The following DACH2 variants were observed in gnomAD, a reference collection of about 807,000 sequenced individuals.
DACH2 encodes dachshund family transcription factor 2, also known as dachshund homolog 2.
DACH2 carries 17 observed loss-of-function variants against 35.8 expected under a neutral mutation model. The ratio of observed to expected loss-of-function variants is 0.48; its 90% CI spans 0.33 to 0.71. DACH2 has a LOEUF of 0.71. Among genes scored for constraint, DACH2 ranks in the 30% least tolerant of loss-of-function variants. The pLI, the probability that DACH2 is intolerant of heterozygous loss-of-function variation, is 0.02. For missense variants in DACH2, 469 were observed against 472.7 expected (o/e 0.99, Z 0.07); for synonymous variants, 195 against 177.3 (o/e 1.10, Z -0.79).
chrX:86,460,863 A>G (rs933969569), intron 2 of DACH2, among the ~76,000 whole-genome samples: 1 of 111,138 alleles, frequency 9.0e-6, no homozygotes, highest in South Asian at 3.7e-4. Flanking sequence ...AGTGAGACCC[A>G]TGATGTTAAC....
At chrX:86,478,209 T>C (rs189523823) in intron 2 of DACH2, among the ~76,000 whole-genome samples, 1 of 111,954 alleles carries the variant, frequency 8.9e-6, no homozygotes, top group Admixed American at 9.5e-5. Flanking sequence ...GTTTTGTACC[T>C]TCAGATGGTT....
At chrX:86,391,589 C>T (rs1222563644) in intron 2 of DACH2, among the ~76,000 whole-genome samples, 2 of 111,138 alleles carry the variant, frequency 1.8e-5, no homozygotes. Flanking sequence ...ACACTTATTT[C>T]TTACATAATT....
chrX:86,407,767 G>A (rs2036548699), intron 2 of DACH2, among the ~76,000 whole-genome samples: 1 of 111,790 alleles, frequency 8.9e-6, no homozygotes, highest in Admixed American at 9.5e-5. Flanking sequence ...TTCATGGATA[G>A]AGTATGATTT....
intron 1 of DACH2, among the ~76,000 whole-genome samples, chrX:86,363,247 T>A (rs2035762729): frequency 1.8e-5 from 2 of 111,204 alleles, no homozygotes; most frequent in African/African-American, 6.5e-5. Flanking sequence ...TGTAGTGAGA[T>A]TTTTGTAAAG....
At chrX:86,407,236 C>G (rs1330055972) in intron 2 of DACH2, among the ~76,000 whole-genome samples, 1 of 111,971 alleles carries the variant, frequency 8.9e-6, no homozygotes, top group Admixed American at 9.5e-5. Context: ...TATATCCCCA[C>G]AACTGCCAGT....
intron 3 of DACH2, among the ~76,000 whole-genome samples, chrX:86,649,600 A>G (rs987092662): frequency 9.0e-6 from 1 of 111,406 alleles, no homozygotes; most frequent in Non-Finnish European, 1.9e-5. Context: ...TCATCAGTTT[A>G]GATACTAAGG....
intron 1 of DACH2, among the ~76,000 whole-genome samples, chrX:86,293,717 A>G (rs1373898552): frequency 9.0e-6 from 1 of 111,306 alleles, no homozygotes; most frequent in Non-Finnish European, 1.9e-5. Context: ...TTCTGGCTTG[A>G]AAATTCTTTT....
chrX:86,477,711 T>C (rs1225610650), intron 2 of DACH2, among the ~76,000 whole-genome samples: 1 of 111,070 alleles, frequency 9.0e-6, no homozygotes, highest in African/African-American at 3.3e-5. Flanking sequence ...ATTATTTGTT[T>C]TTTGATGGTT....
At chrX:86,494,031 C>G (rs781316629) in intron 2 of DACH2, among the ~76,000 whole-genome samples, 2 of 111,648 alleles carry the variant, frequency 1.8e-5, no homozygotes, top group Admixed American at 1.9e-4. Context: ...ACTTAGAAGG[C>G]CACAAGGTGC....
chrX:86,425,444 T>C (rs1015209775), intron 2 of DACH2, among the ~76,000 whole-genome samples: 2 of 111,076 alleles, frequency 1.8e-5, no homozygotes, highest in African/African-American at 6.5e-5. Flanking sequence ...CTATTTCTTC[T>C]AGATTTTCTA....
chrX:86,269,165 C>A (rs1435228454), intron 1 of DACH2, among the ~76,000 whole-genome samples: 1 of 110,588 alleles, frequency 9.0e-6, no homozygotes, highest in Non-Finnish European at 1.9e-5. Context: ...TGGTAACCAG[C>A]ATACTCTCTA....
rs2041390359 is a variant in DACH2 at position 86,720,372 on chromosome X, A to C, written c.1104+5652A>C. 2.7e-5 allele frequency among the ~76,000 whole-genome samples: 3 copies of C among 111,772 alleles called. No individual in the cohort carries two copies. The South Asian group carries it at 1.1e-3, about 42-fold the overall frequency. ...TGAAAAGCAAGTTAGTTACTTCCTA[A>C]ATATAATGGGGGACAGGGATTGGGC... is the stretch of plus-strand genomic sequence containing the variant. On this transcript the variant is annotated intron_variant, in intron 6 of 11. Coordinates refer to ENST00000373125, the MANE Select transcript of DACH2 (RefSeq NM_053281.3).
At chrX:86,689,570 T>G (rs767223525) in intron 4 of DACH2, among the ~76,000 whole-genome samples, 1 of 112,080 alleles carries the variant, frequency 8.9e-6, no homozygotes, top group Admixed American at 9.5e-5. Flanking sequence ...TAAACAAATA[T>G]TCTATGGCTG....
chrX:86,700,005 A>G lies in DACH2; in HGVS notation c.931+4826A>G, dbSNP rs780856559. Among the ~76,000 whole-genome samples the G allele has an allele frequency of 3.6e-5, 4 of 111,988 alleles. No individual in the cohort carries two copies. In the South Asian group the frequency reaches 1.5e-3, roughly 41 times the overall value. On this transcript the variant is annotated intron_variant, in intron 5 of 11. Transcript: ENST00000373125. ...GGTTGTTTAATTTCCATGTAATTAT[A>G]TGATTGAATTTTTTAGTATTGATTT... is the stretch of plus-strand genomic sequence containing the variant.
chrX:86,477,366 A>G (rs1217802265), intron 2 of DACH2, among the ~76,000 whole-genome samples: 5 of 98,933 alleles, frequency 5.1e-5, no homozygotes, highest in Non-Finnish European at 8.0e-5. Flanking sequence ...ATATATATAT[A>G]TATAATTGTT....
chrX:86,460,965 T>G (rs780661097), intron 2 of DACH2, among the ~76,000 whole-genome samples: 1 of 111,654 alleles, frequency 9.0e-6, no homozygotes, highest in Admixed American at 9.6e-5. Flanking sequence ...TTGCACAAAT[T>G]GATAGAGACT....
At chrX:86,787,233 T>C (rs910609371) in intron 7 of DACH2, among the ~76,000 whole-genome samples, 1 of 112,291 alleles carries the variant, frequency 8.9e-6, no homozygotes, top group Non-Finnish European at 1.9e-5. Flanking sequence ...CATAGAAGCA[T>C]GTTTCTAGAG....
chrX:86,206,665 C>G (rs193182565), intron 1 of DACH2, among the ~76,000 whole-genome samples: 310 of 112,059 alleles, frequency 2.8e-3, no homozygotes, highest in Non-Finnish European at 2.9e-3. Flanking sequence ...GTCATTTAGC[C>G]TTGCTAAATC....
intron 3 of DACH2, among the ~76,000 whole-genome samples, chrX:86,527,092 A>G (rs986457648): frequency 9.0e-6 from 1 of 111,445 alleles, no homozygotes; most frequent in African/African-American, 3.3e-5. Flanking sequence ...ATTTTCTCAT[A>G]TAGCACCAAT....
Sources: allele counts gnomAD v4.1 joint callset (sites outside exome capture counted in the v4.1 genomes callset), GRCh38; gene constraint gnomAD v4.1.1; transcripts MANE v1.5; gene names NCBI Gene and HGNC (gene_info 2026-07-23, HGNC 2026-07-21).